Variants in NDUFV3 observed in about 807,000 individuals in gnomAD.
NDUFV3 encodes NADH:ubiquinone oxidoreductase subunit V3.
Under a neutral mutation model 37.5 loss-of-function variants are expected in NDUFV3, and 44 were observed. The ratio of observed to expected loss-of-function variants is 1.17; its 90% CI spans 0.92 to 1.51. NDUFV3 has a LOEUF of 1.51. Among genes scored for constraint, NDUFV3 ranks in the 40% most tolerant of loss-of-function variants. NDUFV3 has a pLI of 0.00. For synonymous variants in NDUFV3, 235 were observed against 239.3 expected (o/e 0.98, Z 0.17); for missense variants, 580 against 580.4 (o/e 1.00, Z 0.01).
At chr21:42,906,212 T>A (rs2058741212) in intron 3 of NDUFV3, among the ~76,000 whole-genome samples, 1 of 152,164 alleles carries the variant, frequency 6.6e-6, no homozygotes, top group Non-Finnish European at 1.5e-5. Flanking sequence ...CAATGCGCTT[T>A]AGGTGGGTCG....
intron 2 of NDUFV3, among the ~76,000 whole-genome samples, chr21:42,897,298 A>G (rs2058696760): frequency 6.6e-6 from 1 of 152,228 alleles, no homozygotes; most frequent in Non-Finnish European, 1.5e-5. Context: ...GCCAAACCCC[A>G]ACCTGAAGTG....
chr21:42,902,694 G>A (rs563123045), intron 2 of NDUFV3, among the ~76,000 whole-genome samples: 1 of 152,162 alleles, frequency 6.6e-6, no homozygotes, highest in African/African-American at 2.4e-5. Flanking sequence ...TGTGAGATAG[G>A]CCTACACAGC....
Position 42,909,496 on chromosome 21 carries a change from C to T in NDUFV3, c.*475C>T, listed in dbSNP as rs866432384. The T allele has an allele frequency of 6.3e-5, 13 of 207,660 alleles. 1 individual carries two copies. Among genetic ancestry groups the T allele is most frequent in the Middle Eastern group, 4.3e-3 (2 of 460 alleles). 12.9% of individuals were successfully genotyped at this position (207,660 alleles called of 1,614,324 possible). A position where few individuals can be genotyped will look rare whatever the true frequency, so the allele number is the denominator to read the frequency against. ...ATTAGCAACAGTAACACTGATTATCCAACATATATTTTGGAATATCTACTA... is the reference window on the plus strand; with the variant it reads ...ATTAGCAACAGTAACACTGATTATCTAACATATATTTTGGAATATCTACTA... On this transcript the variant is annotated 3_prime_UTR_variant, in exon 4 of 4. Coordinates refer to ENST00000354250, the MANE Select transcript of NDUFV3 (RefSeq NM_021075.4).
chr21:42,897,835 C>G (rs2146150443), intron 2 of NDUFV3, among the ~76,000 whole-genome samples: 1 of 150,514 alleles, frequency 6.6e-6, no homozygotes, highest in South Asian at 2.1e-4. Context: ...CACCACCATG[C>G]CCAGCTAATT....
intron 2 of NDUFV3, among the ~76,000 whole-genome samples, chr21:42,898,045 T>C (rs1443351610): frequency 1.3e-5 from 2 of 152,256 alleles, no homozygotes; most frequent in African/African-American, 2.4e-5. Context: ...ATCAATATAC[T>C]ATTTCCTCAG....
intron 2 of NDUFV3, among the ~76,000 whole-genome samples, chr21:42,900,034 G>GA (rs1453730294): frequency 1.3e-5 from 2 of 152,132 alleles, no homozygotes; most frequent in African/African-American, 2.4e-5. Context: ...CCTATCTCTA[G>GA]AAAAAACTTT....
Position 42,903,270 on chromosome 21 carries a change from C to A in NDUFV3, c.258C>A (p.Tyr86Ter), listed in dbSNP as rs148055450. ...AAAACTTATCTTCACCCAGTTCTTA[C>A]CCGCCAGCTGTGAATAAGGGCAGGA... ...LSKNLSSPSS[Y>*]PPAVNKGRKV... The change falls in exon 3 of 4, where the codon TAC becomes TAA. Residue 86 changes from tyrosine to a stop codon, truncating the protein, a stop_gained. Coordinates refer to ENST00000354250, the MANE Select transcript of NDUFV3 (RefSeq NM_021075.4). LOFTEE classifies it high-confidence loss of function. 3.1e-6 allele frequency: 5 copies of A among 1,614,036 alleles called. No individual in the cohort carries two copies. In the African/African-American group the frequency reaches 4.0e-5, roughly 13 times the overall value.
intron 1 of NDUFV3, among the ~76,000 whole-genome samples, chr21:42,894,556 TATATA>T (rs1345779961): frequency 3.2e-5 from 2 of 63,472 alleles, no homozygotes; most frequent in African/African-American, 1.9e-4. Context: ...ATATAATATA[TATATA>T]TTTTTTTTTG....
chr21:42,894,472 ATTATATAT>A lies in NDUFV3; in HGVS notation c.48+1107_48+1114del, dbSNP rs1473020303. On this transcript the variant is annotated intron_variant, in intron 1 of 3. Coordinates refer to ENST00000354250, the MANE Select transcript of NDUFV3 (RefSeq NM_021075.4). The stretch of plus-strand genomic sequence containing the variant: ...ATATAATATGTTTATATAAATATAT[ATTATATAT>A]TTATATATTTATATAATATATAATA... Among the ~76,000 whole-genome samples the A allele has an allele frequency of 3.3e-4, 23 of 69,546 alleles. No individual in the cohort carries two copies. The East Asian group carries it at 3.7e-3, about 11-fold the overall frequency. The allele number at this position is 69,546 out of a possible 152,430, so 45.6% of individuals were successfully genotyped here. A position where few individuals can be genotyped will look rare whatever the true frequency, so the allele number is the denominator to read the frequency against.
rs1801370751 is a variant in NDUFV3, at chr21:42,909,692, TA to T, written c.*672del. 2 of 152,738 alleles carry T rather than the reference TA, an allele frequency of 1.3e-5. No individual in the cohort carries two copies. Among genetic ancestry groups the T allele is most frequent in the South Asian group, 4.1e-4 (2 of 4,854 alleles). 9.5% of individuals were successfully genotyped at this position (152,738 alleles called of 1,614,324 possible). A position where few individuals can be genotyped will look rare whatever the true frequency, so the allele number is the denominator to read the frequency against. On this transcript the variant is annotated 3_prime_UTR_variant, in exon 4 of 4. Transcript: ENST00000354250. ...TCAATAATGTAATAGTGACTTCTTT[TA>T]TTTTTTTTGAGATGGAGTCTCTGTT... is the stretch of plus-strand genomic sequence containing the variant.
intron 1 of NDUFV3, among the ~76,000 whole-genome samples, chr21:42,894,385 AAAT>A (rs1434770976): frequency 3.4e-5 from 1 of 29,640 alleles, no homozygotes; most frequent in Non-Finnish European, 5.4e-5. Context: ...TATAATATGT[AAAT>A]ATATATTATA....
chr21:42,909,136 CTTTTTTTTTT>C lies in NDUFV3; in HGVS notation c.*129_*138del, dbSNP rs36011300. ...TGTGCATAATCGGTTTCACTTTTAC[CTTTTTTTTTT>C]TTTTTTTTTTTTTGAGACAGGGTCT... On this transcript the variant is annotated 3_prime_UTR_variant, in exon 4 of 4. Coordinates refer to ENST00000354250, the MANE Select transcript of NDUFV3 (RefSeq NM_021075.4). The C allele has an allele frequency of 2.1e-4, 92 of 435,224 alleles. No homozygotes were observed. Among genetic ancestry groups the C allele is most frequent in the East Asian group, 1.2e-3 (18 of 15,042 alleles). The allele number at this position is 435,224 out of a possible 1,614,324, so 27.0% of individuals were successfully genotyped here. A position where few individuals can be genotyped will look rare whatever the true frequency, so the allele number is the denominator to read the frequency against.
At chr21:42,903,003 A>C (rs2058723277) in intron 2 of NDUFV3, among the ~76,000 whole-genome samples, 179 bp from the exon 3 acceptor site, 1 of 152,104 alleles carries the variant, frequency 6.6e-6, no homozygotes, top group African/African-American at 2.4e-5. Context: ...AAAGCAGATG[A>C]TTTTCTGAAC....
chr21:42,910,736 C>T lies in NDUFV3; in HGVS notation c.*1715C>T, dbSNP rs1232279934. ...GGTGAAGTTTTGTGCGGTGCAGGGA[C>T]GAAGTTGCTCCCCGCTGGCCACAGG... On this transcript the variant is annotated 3_prime_UTR_variant, in exon 4 of 4. Transcript: ENST00000354250. 1 of 154,234 alleles carries T rather than the reference C, an allele frequency of 6.5e-6. No individual in the cohort carries two copies. Among genetic ancestry groups the T allele is most frequent in the Non-Finnish European group, 1.4e-5 (1 of 69,036 alleles). The allele number at this position is 154,234 out of a possible 1,614,324, so 9.6% of individuals were successfully genotyped here.
chr21:42,895,346 G>C (rs927820224), intron 1 of NDUFV3, among the ~76,000 whole-genome samples: 1 of 152,172 alleles, frequency 6.6e-6, no homozygotes, highest in Non-Finnish European at 1.5e-5. Flanking sequence ...GCCGGGCATG[G>C]TGATGCATGC....
intron 3 of NDUFV3, 96 bp from the exon 4 acceptor site, chr21:42,908,768 A>C: frequency 6.9e-7 from 1 of 1,441,550 alleles, no homozygotes; most frequent in Non-Finnish European, 9.7e-7. Context: ...AGGGATGATG[A>C]AGAATGCTTG....
intron 2 of NDUFV3, among the ~76,000 whole-genome samples, chr21:42,898,908 T>A (rs181312348): frequency 2.1e-4 from 32 of 152,366 alleles, no homozygotes; most frequent in African/African-American, 7.2e-4. Flanking sequence ...GAATTTGGAT[T>A]AAATGGATTT....
intron 2 of NDUFV3, among the ~76,000 whole-genome samples, chr21:42,899,560 C>T (rs1273517717): frequency 6.6e-6 from 1 of 152,132 alleles, no homozygotes. Context: ...TTCTCCTGCC[C>T]CATCCTCCCG....
Position 42,903,747 on chromosome 21 carries a change from A to G in NDUFV3, c.735A>G (p.Pro245=). 6.2e-7 allele frequency: 1 copy of G among 1,614,198 alleles called. No homozygotes were observed. The highest frequency in any genetic ancestry group is 1.1e-5 in the South Asian group (1 of 91,086). ...KPSEGRENAR[P]KTTMPRSQVD... ...CAGAAGGCAGGGAAAATGCGAGACC[A>G]AAAACCACAATGCCCAGATCTCAAG... The change falls in exon 3 of 4, where the codon CCA becomes CCG. Residue 245 remains proline (P), a synonymous_variant. Transcript: ENST00000354250.
Sources: gnomAD v4.1 joint callset for allele counts (sites outside exome capture counted in the v4.1 genomes callset) on GRCh38, gnomAD v4.1.1 for gene constraint, MANE v1.5 for transcripts, NCBI Gene and HGNC (gene_info 2026-07-23, HGNC 2026-07-21) for gene names.